ARHGEF38: variants seen among roughly 807,000 people sequenced by gnomAD.
The protein encoded by ARHGEF38 is Rho guanine nucleotide exchange factor 38, also known as Rho guanine nucleotide exchange factor (GEF) 38.
In ARHGEF38, 79 loss-of-function variants were observed where a neutral mutation model predicts 79.9. The observed-to-expected ratio is 0.99, with a 90% CI of 0.82 to 1.19. The LOEUF (loss-of-function observed/expected upper bound fraction) is 1.19. ARHGEF38 is among the 50% of genes most tolerant of loss of function. The probability of loss-of-function intolerance (pLI) is 0.00; values close to 1 mark genes in which losing one functional copy is unlikely to be tolerated. For missense variants in ARHGEF38, 962 were observed against 907.2 expected, an observed-to-expected ratio of 1.06 and a Z score of -0.78; for synonymous variants, 366 against 328.3, an observed-to-expected ratio of 1.11 and a Z score of -1.24.
intron 10 of ARHGEF38, 138 bp downstream of exon 10, chr4:105,659,503 T>C (rs1174991598): frequency 5.7e-6 from 5 of 880,706 alleles, no homozygotes; most frequent in Non-Finnish European, 8.4e-6. Context: ...CTAAATCCAG[T>C]CAGATAGTCT....
At chr4:105,589,989 A>AG (rs202220232) in intron 2 of ARHGEF38, among the ~76,000 whole-genome samples, 7,386 of 151,310 alleles carry the variant, frequency 0.049, 222 homozygotes, top group Middle Eastern at 0.14. Context: ...CAATGAGCCA[A>AG]ATCGCGCCAT....
At chr4:105,667,762 T>A in intron 13 of ARHGEF38, 59 bp downstream of exon 13, 2 of 1,516,028 alleles carry the variant, frequency 1.3e-6, no homozygotes, top group Non-Finnish European at 8.8e-7. Context: ...ATCTCTCTAC[T>A]GTACTCTATA....
intron 10 of ARHGEF38, among the ~76,000 whole-genome samples, chr4:105,662,219 T>C (rs577257418): frequency 6.6e-6 from 1 of 152,286 alleles, no homozygotes; most frequent in South Asian, 2.1e-4. Flanking sequence ...TGTGAGTTAG[T>C]TGTTCATGTG....
At chr4:105,603,050 G>A (rs1295847678) in intron 2 of ARHGEF38, among the ~76,000 whole-genome samples, 1 of 152,068 alleles carries the variant, frequency 6.6e-6, no homozygotes, top group African/African-American at 2.4e-5. Flanking sequence ...TCATTTTACA[G>A]ATCAATGAAC....
At chr4:105,580,695 G>GT (rs1380593481) in intron 1 of ARHGEF38, among the ~76,000 whole-genome samples, 1 of 152,066 alleles carries the variant, frequency 6.6e-6, no homozygotes, top group Admixed American at 6.6e-5. Flanking sequence ...GTATATTCTG[G>GT]TTTTTTTGTT....
At chr4:105,576,686 G>A (rs1259836492) in intron 1 of ARHGEF38, among the ~76,000 whole-genome samples, 2 of 152,064 alleles carry the variant, frequency 1.3e-5, no homozygotes, top group African/African-American at 4.8e-5. Flanking sequence ...TGTTTGCTCT[G>A]GCTAGGACTT....
chr4:105,669,799 T>C (rs915909516), intron 13 of ARHGEF38, among the ~76,000 whole-genome samples: 4 of 152,196 alleles, frequency 2.6e-5, no homozygotes, highest in African/African-American at 9.7e-5. Context: ...GTCCCTCCTC[T>C]TTCCCACCCC....
At chr4:105,613,564 C>A in intron 3 of ARHGEF38, 57 bp downstream of exon 3, 3 of 1,586,586 alleles carry the variant, frequency 1.9e-6, no homozygotes, top group Non-Finnish European at 2.6e-6. Context: ...TTTTTAATAA[C>A]CTCCCTTTGC....
At chr4:105,634,127 T>A (rs1411778056) in intron 4 of ARHGEF38, among the ~76,000 whole-genome samples, 3 of 152,304 alleles carry the variant, frequency 2.0e-5, no homozygotes, top group African/African-American at 7.2e-5. Flanking sequence ...AAAATACTAT[T>A]TCTGGTGGTC....
intron 1 of ARHGEF38, among the ~76,000 whole-genome samples, chr4:105,588,805 A>G (rs375190044): frequency 2.0e-4 from 30 of 152,204 alleles, no homozygotes; most frequent in African/African-American, 7.2e-4. Context: ...GATATTACCC[A>G]CTGAGAATGA....
chr4:105,656,861 G>C (rs1730348014), intron 9 of ARHGEF38, among the ~76,000 whole-genome samples: 1 of 152,044 alleles, frequency 6.6e-6, no homozygotes, highest in Non-Finnish European at 1.5e-5. Context: ...TACAGCCCCC[G>C]ATCTAGTAGA....
chr4:105,577,370 C>T (rs776878068), intron 1 of ARHGEF38, among the ~76,000 whole-genome samples: 6 of 149,448 alleles, frequency 4.0e-5, no homozygotes, highest in Admixed American at 1.3e-4. Flanking sequence ...TTTGTTCTTG[C>T]GATAGTCTTT....
intron 1 of ARHGEF38, among the ~76,000 whole-genome samples, chr4:105,573,705 G>A (rs559146277): frequency 2.0e-5 from 3 of 149,756 alleles, no homozygotes; most frequent in South Asian, 2.1e-4. Context: ...GCCTATTGTT[G>A]TCCCTTGAGA....
chr4:105,676,220 G>A (rs758817392), intron 13 of ARHGEF38, among the ~76,000 whole-genome samples: 14 of 152,130 alleles, frequency 9.2e-5, no homozygotes, highest in Non-Finnish European at 1.6e-4. Context: ...TCAAGTTTGA[G>A]AGTTAATCTG....
At position 105,634,182 on chromosome 4, in the gene ARHGEF38, C is replaced by T. The variant is rs189841375; in HGVS notation, c.657-2221C>T. On this transcript the variant is annotated intron_variant, in intron 4 of 13. Coordinates refer to ENST00000420470, the MANE Select transcript of ARHGEF38 (RefSeq NM_001242729.2). The stretch of plus-strand genomic sequence containing the variant: ...TTAACAAGCCACCTCAGGTGATTTT[C>T]CATACACACTCAAGTTAAGAACTAA... Among the ~76,000 whole-genome samples, 804 of 152,230 alleles carry T rather than the reference C, an allele frequency of 5.3e-3. 13 individuals are homozygous for T. Among genetic ancestry groups the T allele is most frequent in the African/African-American group, 0.018 (760 of 41,548 alleles).
intron 6 of ARHGEF38, among the ~76,000 whole-genome samples, chr4:105,648,003 C>G (rs1371396320): frequency 2.6e-5 from 4 of 150,958 alleles, no homozygotes; most frequent in Non-Finnish European, 5.9e-5. Context: ...GATTGTCCTG[C>G]CTCAGCCTCC....
intron 1 of ARHGEF38, among the ~76,000 whole-genome samples, chr4:105,570,609 A>G (rs1205001171): frequency 6.6e-6 from 1 of 152,160 alleles, no homozygotes; most frequent in Non-Finnish European, 1.5e-5. Context: ...AAACTGTCAA[A>G]TCTTGTGAGA....
At position 105,583,511 on chromosome 4, in the gene ARHGEF38, T is replaced by C. The variant is rs1352026797; in HGVS notation, c.197-5737T>C. ...AAACCACCTCTCCCAGATATCTGCA[T>C]GACTCTCTCACCTTTCAACTCTATT... On this transcript the variant is annotated intron_variant, in intron 1 of 13. Transcript: ENST00000420470. Among the ~76,000 whole-genome samples the C allele has an allele frequency of 2.0e-5, 3 of 152,220 alleles. No homozygotes were observed. In the East Asian group the frequency reaches 5.8e-4, roughly 29 times the overall value.
chr4:105,618,701 A>G (rs1728615115), intron 3 of ARHGEF38, among the ~76,000 whole-genome samples: 1 of 152,220 alleles, frequency 6.6e-6, no homozygotes, highest in African/African-American at 2.4e-5. Flanking sequence ...GACAAAATCT[A>G]CTGGTTGATG....
Sources: allele counts gnomAD v4.1 joint callset (sites outside exome capture counted in the v4.1 genomes callset), GRCh38; gene constraint gnomAD v4.1.1; transcripts MANE v1.5; gene names NCBI Gene and HGNC (gene_info 2026-07-23, HGNC 2026-07-21).